The following MCTP1 variants were observed in gnomAD, a reference collection of about 807,000 sequenced individuals.
MCTP1 encodes the protein multiple C2 and transmembrane domain-containing protein 1.
MCTP1 carries 69 observed loss-of-function variants against 120.6 expected under a neutral mutation model. The observed-to-expected ratio is 0.57, with a 90% CI of 0.47 to 0.70. The LOEUF (loss-of-function observed/expected upper bound fraction) is 0.70. MCTP1 is among the 30% of genes least tolerant of loss of function. The pLI, the probability that MCTP1 is intolerant of heterozygous loss-of-function variation, is 0.00. For synonymous variants in MCTP1, 529 were observed against 493.1 expected, an observed-to-expected ratio of 1.07 and a Z score of -0.96; for missense variants, 1,203 against 1,248.8, an observed-to-expected ratio of 0.96 and a Z score of 0.55.
intron 1 of MCTP1, among the ~76,000 whole-genome samples, chr5:95,183,396 T>C (rs898237086): frequency 1.3e-5 from 2 of 151,212 alleles, no homozygotes; most frequent in African/African-American, 4.8e-5. Context: ...AAAATAAATA[T>C]AATTTATATT....
chr5:94,739,910 C>A (rs1765128342), intron 19 of MCTP1, among the ~76,000 whole-genome samples: 1 of 152,118 alleles, frequency 6.6e-6, no homozygotes, highest in Non-Finnish European at 1.5e-5. Flanking sequence ...TCAGGTGATC[C>A]ACCCACCTCA....
intron 17 of MCTP1, among the ~76,000 whole-genome samples, chr5:94,802,410 T>A (rs1409676786): frequency 6.6e-6 from 1 of 152,202 alleles, no homozygotes; most frequent in Non-Finnish European, 1.5e-5. Context: ...TAGTGATAAT[T>A]CTAATTCCTG....
At chr5:94,734,832 C>T (rs1763855194) in intron 19 of MCTP1, among the ~76,000 whole-genome samples, 1 of 151,982 alleles carries the variant, frequency 6.6e-6, no homozygotes, top group Non-Finnish European at 1.5e-5. Flanking sequence ...TCTTATTTAA[C>T]CATGTTTCTT....
intron 12 of MCTP1, among the ~76,000 whole-genome samples, chr5:94,878,079 T>G (rs1476701580): frequency 2.0e-5 from 3 of 152,176 alleles, no homozygotes; most frequent in Non-Finnish European, 4.4e-5. Flanking sequence ...TCATTTAATT[T>G]TCTCAGTTGC....
At chr5:95,187,622 G>A (rs1405133221) in intron 1 of MCTP1, among the ~76,000 whole-genome samples, 4 of 152,124 alleles carry the variant, frequency 2.6e-5, no homozygotes, top group Non-Finnish European at 5.9e-5. Context: ...GGATGGTTGT[G>A]ATCTCCTGAC....
intron 2 of MCTP1, chr5:94,978,959 A>G (rs1233740132): frequency 6.6e-6 from 1 of 152,054 alleles, no homozygotes; most frequent in African/African-American, 2.4e-5. Flanking sequence ...GAAAGAACTT[A>G]GCTGTTTGAG....
At chr5:94,894,115 G>A (rs1314881699) in intron 11 of MCTP1, among the ~76,000 whole-genome samples, 2 of 152,030 alleles carry the variant, frequency 1.3e-5, no homozygotes, top group African/African-American at 2.4e-5. Context: ...TTCCACATTC[G>A]ATCAAAAAGC....
chr5:94,931,814 G>T, intron 6 of MCTP1, 139 bp downstream of exon 6: 1 of 682,466 alleles, frequency 1.5e-6, no homozygotes, highest in Non-Finnish European at 2.5e-6. Context: ...CACATGGTTG[G>T]CTTAAATTTA....
chr5:94,856,874 C>A (rs965840441), intron 17 of MCTP1, among the ~76,000 whole-genome samples: 7 of 151,668 alleles, frequency 4.6e-5, no homozygotes, highest in African/African-American at 1.7e-4. Context: ...CCTGCTGCAA[C>A]CAGTTAACAT....
At chr5:94,870,782 GA>G in intron 15 of MCTP1, 89 bp downstream of exon 15, 1 of 942,372 alleles carries the variant, frequency 1.1e-6, no homozygotes, top group Non-Finnish European at 1.7e-6. Flanking sequence ...AGAAAATGAG[GA>G]ATGACAGAAA....
chr5:94,736,002 G>A (rs1485921911), intron 19 of MCTP1, among the ~76,000 whole-genome samples: 1 of 152,084 alleles, frequency 6.6e-6, no homozygotes, highest in African/African-American at 2.4e-5. Flanking sequence ...CACTACCCCT[G>A]GTTTTGGACC....
intron 19 of MCTP1, chr5:94,739,281 C>T (rs1463726454): frequency 6.6e-6 from 1 of 152,182 alleles, no homozygotes; most frequent in East Asian, 1.9e-4. Flanking sequence ...TTCACAAACA[C>T]ATTAGACAAG....
At chr5:94,799,276 T>A in intron 17 of MCTP1, 144 bp from the exon 18 acceptor site, 1 of 734,764 alleles carries the variant, frequency 1.4e-6, no homozygotes, top group Non-Finnish European at 2.1e-6. Context: ...CTTGGAAACT[T>A]TTAGACATTT....
chr5:95,284,134 G>C lies in MCTP1; in HGVS notation c.442C>G (p.Pro148Ala). ...AASGAAGGTP[P>A]GGRSPDSAPS... Reference sequence around the variant, plus strand: ...GCTGAGTCGGGGGAGCGTCCGCCAGGAGGCGTCCCTCCCGCTGCTCCCGAG... The same window carrying C: ...GCTGAGTCGGGGGAGCGTCCGCCAGCAGGCGTCCCTCCCGCTGCTCCCGAG... Residue 148 changes from proline (P) to alanine (A), a missense_variant, in exon 1 of 23, where the codon CCT (proline) becomes GCT (alanine). This residue lies in a region of MCTP1 where 463 missense variants were observed against 377.8 expected (regional missense o/e 1.23). Transcript: ENST00000515393. This position sits in a 1 kb window ranked among gnomAD's most constrained non-coding sequence, Gnocchi z 5.2. The C allele has an allele frequency of 6.4e-7, 1 of 1,554,132 alleles. No individual in the cohort carries two copies. Among genetic ancestry groups the C allele is most frequent in the South Asian group, 1.2e-5 (1 of 85,336 alleles).
At chr5:95,046,496 G>A (rs943267804) in intron 1 of MCTP1, among the ~76,000 whole-genome samples, 1 of 151,916 alleles carries the variant, frequency 6.6e-6, no homozygotes, top group African/African-American at 2.4e-5. Context: ...CTTCATTTTT[G>A]TCAAGACTCA....
At chr5:94,831,947 G>C (rs184063880) in intron 17 of MCTP1, among the ~76,000 whole-genome samples, 69 of 152,290 alleles carry the variant, frequency 4.5e-4, no homozygotes, top group African/African-American at 1.6e-3. Flanking sequence ...TAATATTCAG[G>C]CTAGAGAGGA....
chr5:95,252,986 A>G (rs1757520790), intron 1 of MCTP1, among the ~76,000 whole-genome samples: 1 of 152,180 alleles, frequency 6.6e-6, no homozygotes, highest in Non-Finnish European at 1.5e-5. Context: ...ACCTAGGTAG[A>G]CTGACAAACA....
At chr5:94,747,196 G>A (rs758944204) in intron 19 of MCTP1, among the ~76,000 whole-genome samples, 10 of 152,118 alleles carry the variant, frequency 6.6e-5, no homozygotes, top group Non-Finnish European at 5.9e-5. Flanking sequence ...CACGACAGCA[G>A]CAAGTATTTT....
At chr5:94,800,937 GAA>G (rs568080876) in intron 17 of MCTP1, among the ~76,000 whole-genome samples, 121 of 151,832 alleles carry the variant, frequency 8.0e-4, no homozygotes, top group African/African-American at 2.9e-3. Context: ...TCCAGAAAAA[GAA>G]AAATATTTTC....
Sources: gnomAD v4.1 joint callset for allele counts (sites outside exome capture counted in the v4.1 genomes callset) on GRCh38, gnomAD v4.1.1 for gene constraint, gnomAD v4.1.1 regional missense constraint, Gnocchi (gnomAD v3.1) non-coding constraint, MANE v1.5 for transcripts, NCBI Gene and HGNC (gene_info 2026-07-23, HGNC 2026-07-21) for gene names.